HDAC9: variants seen among roughly 807,000 people sequenced by gnomAD.
The protein encoded by HDAC9 is MEF-2 interacting transcription repressor (MITR) protein.
HDAC9 carries 41 observed loss-of-function variants against 139.4 expected under a neutral mutation model. That is an observed-to-expected ratio of 0.29 (90% CI 0.23 to 0.38). The LOEUF is 0.38. Ranked by LOEUF, HDAC9 falls within the 10% of genes least tolerant of loss-of-function variation. The pLI, the probability that HDAC9 is intolerant of heterozygous loss-of-function variation, is 1.00. For missense variants in HDAC9, 1,147 were observed against 1,297.0 expected, an observed-to-expected ratio of 0.88 and a Z score of 1.78; for synonymous variants, 517 against 476.2, an observed-to-expected ratio of 1.09 and a Z score of -1.12.
At chr7:18,862,357 T>C (rs1585175776) in intron 21 of HDAC9, among the ~76,000 whole-genome samples, 5 of 152,326 alleles carry the variant, frequency 3.3e-5, no homozygotes, top group Admixed American at 6.5e-5. Context: ...GCATATGACT[T>C]TAGAGTTAAT....
chr7:18,318,546 T>C (rs1401068754), intron 1 of HDAC9, among the ~76,000 whole-genome samples: 1 of 152,176 alleles, frequency 6.6e-6, no homozygotes, highest in African/African-American at 2.4e-5. Context: ...GAAAAAGAAG[T>C]AAAGTGGAGT....
chr7:18,754,190 T>A (rs1178170), intron 14 of HDAC9, among the ~76,000 whole-genome samples: 2 of 151,934 alleles, frequency 1.3e-5, no homozygotes, highest in Non-Finnish European at 2.9e-5. Context: ...TCATTCATAC[T>A]TAGTTTAGTG....
chr7:18,489,058 T>C (rs1796176823), intron 1 of HDAC9, among the ~76,000 whole-genome samples: 1 of 151,896 alleles, frequency 6.6e-6, no homozygotes, highest in Non-Finnish European at 1.5e-5. Context: ...ATATTAGAGG[T>C]TGAATAGTAT....
At chr7:18,748,852 T>G (rs1378983486) in intron 13 of HDAC9, among the ~76,000 whole-genome samples, 153 bp from the exon 14 acceptor site, 2 of 152,234 alleles carry the variant, frequency 1.3e-5, no homozygotes, top group East Asian at 3.8e-4. Flanking sequence ...ATAGTTCTTA[T>G]GTGCTCCTGA....
At position 18,564,742 on chromosome 7, in the gene HDAC9, G is replaced by A. The variant is rs758519858; in HGVS notation, c.23-20539G>A. On this transcript the variant is annotated intron_variant, in intron 2 of 25. Transcript: ENST00000686413. ...TAACATTTTACCATTAGATTTTATT[G>A]AAACACTATTCAAAGTCCTCAAAAT... Among the ~76,000 whole-genome samples the A allele has an allele frequency of 2.3e-4, 35 of 151,870 alleles. 1 individual carries two copies. The highest frequency in any genetic ancestry group is 8.8e-5 in the Non-Finnish European group (6 of 67,962).
At chr7:18,236,716 G>C (rs1793842541) in intron 2 of HDAC9, among the ~76,000 whole-genome samples, 1 of 152,096 alleles carries the variant, frequency 6.6e-6, no homozygotes, top group Non-Finnish European at 1.5e-5. Flanking sequence ...TCATACACTT[G>C]GCCGAATTAA....
intron 14 of HDAC9, 87 bp downstream of exon 14, chr7:18,749,225 A>G (rs1788238207): frequency 7.4e-7 from 1 of 1,354,956 alleles, no homozygotes; most frequent in Non-Finnish European, 1.0e-6. Flanking sequence ...ATAGAAAAAT[A>G]TTAACCATAT....
chr7:18,547,034 ACAGTG>A (rs200757771), intron 2 of HDAC9, among the ~76,000 whole-genome samples: 1,975 of 152,266 alleles, frequency 0.013, 45 homozygotes, highest in African/African-American at 0.045. Flanking sequence ...TGTTTACTCT[ACAGTG>A]TAGTCATTTA....
chr7:18,954,429 AGAATC>A, intron 24 of HDAC9, 199 bp downstream of exon 24: 1 of 477,008 alleles, frequency 2.1e-6, no homozygotes, highest in Non-Finnish European at 3.6e-6. Flanking sequence ...CTCTAGATTT[AGAATC>A]TTGTTTTTCT....
chr7:18,520,949 T>G (rs529369631), intron 2 of HDAC9, among the ~76,000 whole-genome samples: 2 of 152,186 alleles, frequency 1.3e-5, no homozygotes, highest in East Asian at 1.9e-4. Context: ...ACTTAGAACA[T>G]TCTCCTAATA....
chr7:18,732,888 TGTGTACACACACACGTGTGC>T lies in HDAC9; in HGVS notation c.1909+5134_1909+5153del, dbSNP rs1786374815. On this transcript the variant is annotated intron_variant, in intron 13 of 25. Coordinates refer to ENST00000686413, the MANE Select transcript of HDAC9 (RefSeq NM_178425.4). ...ATGTGTACACACACACGTGTGCGTA[TGTGTACACACACACGTGTGC>T]GTATGTGTATACACACGTGTGTATG... Among the ~76,000 whole-genome samples, 8 of 109,948 alleles carry T rather than the reference TGTGTACACACACACGTGTGC, an allele frequency of 7.3e-5. 1 individual carries two copies. The highest frequency in any genetic ancestry group is 1.6e-4 in the African/African-American group (4 of 25,254). The allele number at this position is 109,948 out of a possible 152,430, so 72.1% of individuals were successfully genotyped here.
rs968709994 is a variant in HDAC9, at chr7:18,093,498, C to T, written c.-97+6285C>T. On this transcript the variant is annotated intron_variant, in intron 1 of 12. Transcript: ENST00000417496. ...AGTGAGAGAGTGTGCTGTATCATGC[C>T]TTCTTTTATTTTCTCAGCAGGAAGT... 2.0e-5 allele frequency among the ~76,000 whole-genome samples: 3 copies of T among 152,216 alleles called. No individual in the cohort carries two copies. The East Asian group carries it at 5.8e-4, about 29-fold the overall frequency.
At chr7:18,965,099 G>C (rs1273095142) in intron 24 of HDAC9, among the ~76,000 whole-genome samples, 1 of 152,122 alleles carries the variant, frequency 6.6e-6, no homozygotes, top group Non-Finnish European at 1.5e-5. Context: ...TGCACTCACA[G>C]CTCCGTATCC....
At chr7:18,885,192 A>G (rs530744958) in intron 22 of HDAC9, among the ~76,000 whole-genome samples, 5 of 152,354 alleles carry the variant, frequency 3.3e-5, no homozygotes, top group African/African-American at 9.6e-5. Flanking sequence ...CCAGCAGAAA[A>G]CATCATAATT....
At chr7:18,751,494 A>G (rs1005242055) in intron 14 of HDAC9, among the ~76,000 whole-genome samples, 1 of 152,150 alleles carries the variant, frequency 6.6e-6, no homozygotes, top group Non-Finnish European at 1.5e-5. Flanking sequence ...TTATCATTAT[A>G]TATGATAATG....
intron 2 of HDAC9, among the ~76,000 whole-genome samples, chr7:18,234,846 G>T (rs1363226911): frequency 2.6e-5 from 4 of 152,186 alleles, no homozygotes; most frequent in Non-Finnish European, 5.9e-5. Flanking sequence ...CTGAATTCAG[G>T]GGAGGCACAC....
intron 2 of HDAC9, among the ~76,000 whole-genome samples, chr7:18,580,408 T>A (rs1827431924): frequency 6.6e-6 from 1 of 152,154 alleles, no homozygotes; most frequent in South Asian, 2.1e-4. Context: ...TAGTTAATAT[T>A]TATGTGGAAA....
intron 1 of HDAC9, among the ~76,000 whole-genome samples, chr7:18,485,458 A>T (rs912317351): frequency 6.7e-6 from 1 of 149,580 alleles, no homozygotes; most frequent in African/African-American, 2.4e-5. Flanking sequence ...TATATTTATT[A>T]TATATATTTA....
At chr7:18,337,794 C>T (rs1781691960) in intron 1 of HDAC9, among the ~76,000 whole-genome samples, 4 of 151,778 alleles carry the variant, frequency 2.6e-5, no homozygotes, top group African/African-American at 7.3e-5. Flanking sequence ...ATTTTTAAAA[C>T]CAGCTATCTT....
Sources: allele counts gnomAD v4.1 joint callset (sites outside exome capture counted in the v4.1 genomes callset), GRCh38; gene constraint gnomAD v4.1.1; transcripts MANE v1.5; gene names NCBI Gene and HGNC (gene_info 2026-07-23, HGNC 2026-07-21).